The following CTBP1 variants were observed in gnomAD, a reference collection of about 807,000 sequenced individuals.
CTBP1 encodes the protein C-terminal-binding protein 1.
In CTBP1, 11 loss-of-function variants were observed where a neutral mutation model predicts 42.1. The observed-to-expected ratio is 0.26, with a 90% confidence interval of 0.16 to 0.43. The LOEUF (loss-of-function observed/expected upper bound fraction) is 0.43. Among genes scored for constraint, CTBP1 ranks in the 20% least tolerant of loss-of-function variants. The pLI is 1.00. For synonymous variants in CTBP1, 324 were observed against 277.1 expected (o/e 1.17, Z -1.68); for missense variants, 399 against 624.3 (o/e 0.64, Z 3.85).
intron 3 of CTBP1, chr4:1,237,844 A>T (rs776860858): frequency 1.5e-6 from 1 of 668,122 alleles, no homozygotes; most frequent in Non-Finnish European, 2.7e-6. Flanking sequence ...GGGCTCAGGG[A>T]AAACCCCGTG....
chr4:1,215,621 G>A (rs759467031), intron 6 of CTBP1: 1 of 323,164 alleles, frequency 3.1e-6, no homozygotes, highest in East Asian at 8.3e-5. Flanking sequence ...AGCACAGCCC[G>A]TTCCAGCTGC....
chr4:1,228,091 G>A, intron 4 of CTBP1, 108 bp downstream of exon 4: 1 of 1,464,816 alleles, frequency 6.8e-7, no homozygotes, highest in South Asian at 1.3e-5. Context: ...GCCACACCAG[G>A]CAATGTGCAA....
chr4:1,246,813 A>C (rs1261788717), intron 1 of CTBP1, among the ~76,000 whole-genome samples: 4 of 152,154 alleles, frequency 2.6e-5, no homozygotes, highest in African/African-American at 9.7e-5. Flanking sequence ...CCTGGAGAGC[A>C]TGACTACTTC....
intron 3 of CTBP1, among the ~76,000 whole-genome samples, chr4:1,228,646 T>C (rs1320618266): frequency 6.6e-6 from 1 of 150,528 alleles, no homozygotes; most frequent in Non-Finnish European, 1.5e-5. Flanking sequence ...GATGTCTCCT[T>C]TTGAGCGTGC....
chr4:1,215,852 G>A (rs1262642854), intron 6 of CTBP1, 139 bp downstream of exon 6: 2 of 879,162 alleles, frequency 2.3e-6, no homozygotes, highest in Non-Finnish European at 3.5e-6. Flanking sequence ...CCCCCAGCAG[G>A]GCTGGCAGCC....
At chr4:1,222,051 C>A (rs1345729177) in intron 5 of CTBP1, among the ~76,000 whole-genome samples, 1 of 152,196 alleles carries the variant, frequency 6.6e-6, no homozygotes, top group Non-Finnish European at 1.5e-5. Context: ...GGATTCCACG[C>A]TAAGAACAAC....
chr4:1,214,762 T>C lies in CTBP1; in HGVS notation c.730-289A>G, dbSNP rs372906673. Among the ~76,000 whole-genome samples the C allele has an allele frequency of 3.3e-5, 5 of 152,330 alleles. No homozygotes were observed. The East Asian group carries it at 7.7e-4, about 24-fold the overall frequency. On this transcript the variant is annotated intron_variant, in intron 6 of 9. Coordinates refer to ENST00000382952, the MANE Select transcript of CTBP1 (RefSeq NM_001012614.2). ...GAGCTGAGGACTGGGCGGGGGCTCC[T>C]GGCTTGGTCCCCCTGTGGTACCCCT...
chr4:1,248,136 G>T (rs984864773), intron 1 of CTBP1, among the ~76,000 whole-genome samples: 13 of 152,126 alleles, frequency 8.5e-5, no homozygotes, highest in Non-Finnish European at 1.6e-4. Flanking sequence ...AGATGGCGAT[G>T]GTGGCAAGCC....
At chr4:1,221,198 A>C (rs1021480195) in intron 5 of CTBP1, among the ~76,000 whole-genome samples, 10 of 152,260 alleles carry the variant, frequency 6.6e-5, no homozygotes, top group African/African-American at 2.2e-4. Context: ...GGGCACAAAG[A>C]GGTGCTCAGC....
intron 5 of CTBP1, among the ~76,000 whole-genome samples, chr4:1,225,026 T>G (rs533772697): frequency 1.3e-5 from 2 of 151,506 alleles, no homozygotes; most frequent in African/African-American, 4.8e-5. Context: ...ATGAAGCCCA[T>G]GTGAGTGCTG....
At position 1,241,551 on chromosome 4, in the gene CTBP1, T is replaced by C. The variant is rs772436957; in HGVS notation, c.-188-32A>G. On this transcript the variant is annotated intron_variant, in intron 1 of 9. Coordinates refer to ENST00000382952, the MANE Select transcript of CTBP1 (RefSeq NM_001012614.2). ...ATCAAACACAAGAGACACATTAAAA[T>C]GCCATCGAAGGTCCGACCAGAACTC... 3.9e-6 allele frequency: 6 copies of C among 1,555,666 alleles called. 1 individual carries two copies. In the South Asian group the frequency reaches 4.6e-5, roughly 12 times the overall value.
At chr4:1,214,504 TCAGGGATCCGCA>T in intron 6 of CTBP1, 31 bp from the exon 7 acceptor site, 1 of 1,546,970 alleles carries the variant, frequency 6.5e-7, no homozygotes. Flanking sequence ...CCAGGCCCAG[TCAGGGATCCGCA>T]CAGGGCGGGC....
At chr4:1,231,005 C>G (rs926234584) in intron 3 of CTBP1, 1 of 152,290 alleles carries the variant, frequency 6.6e-6, no homozygotes. Context: ...GCCCTTTTCC[C>G]TACTGAATAC....
At chr4:1,214,598 C>A in intron 6 of CTBP1, 125 bp from the exon 7 acceptor site, 1 of 1,251,688 alleles carries the variant, frequency 8.0e-7, no homozygotes, top group Non-Finnish European at 1.1e-6. Context: ...CAGCCCCACC[C>A]TGGGCTCACC....
At chr4:1,248,484 C>A (rs1486156304) in intron 1 of CTBP1, among the ~76,000 whole-genome samples, 1 of 150,612 alleles carries the variant, frequency 6.6e-6, no homozygotes, top group Non-Finnish European at 1.5e-5. Context: ...CCCCGAGCTG[C>A]GCACGGCTCC....
intron 1 of CTBP1, among the ~76,000 whole-genome samples, chr4:1,247,220 G>A (rs1009120548): frequency 1.3e-5 from 2 of 152,262 alleles, no homozygotes; most frequent in East Asian, 1.9e-4. Flanking sequence ...AGAAGTGCAT[G>A]TTGGGGACAT....
intron 5 of CTBP1, among the ~76,000 whole-genome samples, chr4:1,223,941 T>C (rs1051644403): frequency 3.9e-5 from 6 of 152,202 alleles, no homozygotes; most frequent in Non-Finnish European, 7.3e-5. Context: ...GATAGGCGGC[T>C]GCAAAGCGAG....
At chr4:1,221,793 C>A (rs1729764858) in intron 5 of CTBP1, 1 of 445,586 alleles carries the variant, frequency 2.2e-6, no homozygotes, top group Non-Finnish European at 4.5e-6. Flanking sequence ...TGTCAACGTG[C>A]TGGTGGGTTC....
intron 5 of CTBP1, chr4:1,218,513 G>C (rs375585446): frequency 1.3e-5 from 2 of 152,208 alleles, no homozygotes; most frequent in Non-Finnish European, 2.9e-5. Flanking sequence ...CGTGACGCCC[G>C]AGGACAGCCA....
Sources: gnomAD v4.1 joint callset for allele counts (sites outside exome capture counted in the v4.1 genomes callset) on GRCh38, gnomAD v4.1.1 for gene constraint, MANE v1.5 for transcripts, NCBI Gene and HGNC (gene_info 2026-07-23, HGNC 2026-07-21) for gene names.